Variants in KCNIP4 observed in about 807,000 individuals in gnomAD.
The protein encoded by KCNIP4 is potassium voltage-gated channel interacting protein 4, also known as Kv channel-interacting protein 4.
KCNIP4 carries 12 observed loss-of-function variants against 34.0 expected under a neutral mutation model. The observed-to-expected ratio is 0.35, with a 90% CI of 0.23 to 0.57. The LOEUF (loss-of-function observed/expected upper bound fraction) is 0.57, where lower values mean the gene tolerates loss of function less well. Among genes scored for constraint, KCNIP4 ranks in the 20% least tolerant of loss-of-function variants. The probability of loss-of-function intolerance (pLI) is 0.83; values close to 1 mark genes in which losing one functional copy is unlikely to be tolerated. For missense variants in KCNIP4, 238 were observed against 311.7 expected, an observed-to-expected ratio of 0.76 and a Z score of 1.78; for synonymous variants, 124 against 102.2, an observed-to-expected ratio of 1.21 and a Z score of -1.29.
intron 1 of KCNIP4, among the ~76,000 whole-genome samples, chr4:21,801,299 T>C (rs1720978566): frequency 6.6e-6 from 1 of 152,188 alleles, no homozygotes; most frequent in Non-Finnish European, 1.5e-5. Context: ...ATAAATGTGC[T>C]GCAGTAGACA....
chr4:21,089,672 C>G (rs981313490), intron 1 of KCNIP4, among the ~76,000 whole-genome samples: 1 of 151,996 alleles, frequency 6.6e-6, no homozygotes, highest in African/African-American at 2.4e-5. Flanking sequence ...ATCTTGTTTG[C>G]TCACTTCTCT....
intron 2 of KCNIP4, among the ~76,000 whole-genome samples, chr4:20,879,690 G>T (rs915538925): frequency 2.6e-5 from 4 of 151,978 alleles, no homozygotes; most frequent in Admixed American, 1.3e-4. Flanking sequence ...GACTATAAAA[G>T]GTATATAATT....
chr4:20,953,864 C>T (rs573097710), intron 1 of KCNIP4, among the ~76,000 whole-genome samples: 52 of 152,198 alleles, frequency 3.4e-4, no homozygotes, highest in Middle Eastern at 3.4e-3. Flanking sequence ...ATGGACCAGC[C>T]CTGATTCTTC....
At chr4:20,807,260 CTTTAT>C (rs1347974944) in intron 3 of KCNIP4, among the ~76,000 whole-genome samples, 1 of 152,100 alleles carries the variant, frequency 6.6e-6, no homozygotes, top group Non-Finnish European at 1.5e-5. Context: ...TGTTAGTCTT[CTTTAT>C]TTTCTCATTA....
chr4:21,362,736 C>T (rs1335939746), intron 1 of KCNIP4, among the ~76,000 whole-genome samples: 1 of 152,068 alleles, frequency 6.6e-6, no homozygotes, highest in Non-Finnish European at 1.5e-5. Context: ...TACAGACATC[C>T]TCACTGCATG....
chr4:20,932,306 TAGTCTATAAC>T (rs1730563902), intron 1 of KCNIP4, among the ~76,000 whole-genome samples: 1 of 49,276 alleles, frequency 2.0e-5, no homozygotes, highest in East Asian at 8.3e-4. Context: ...TAGACTATAA[TAGTCTATAAC>T]AGTCTAATAT....
At chr4:21,661,572 T>C (rs1193373503) in intron 1 of KCNIP4, among the ~76,000 whole-genome samples, 1 of 152,164 alleles carries the variant, frequency 6.6e-6, no homozygotes, top group African/African-American at 2.4e-5. Context: ...TCAATTTGAA[T>C]AGCAATCCAG....
chr4:21,385,616 T>C (rs1425243388), intron 1 of KCNIP4, among the ~76,000 whole-genome samples: 4 of 152,180 alleles, frequency 2.6e-5, no homozygotes, highest in Admixed American at 2.0e-4. Flanking sequence ...AGGATTCACA[T>C]ATTTAAAACA....
At position 21,414,153 on chromosome 4, in the gene KCNIP4, C is replaced by T. The variant is rs539344185; in HGVS notation, c.62-531444G>A. On this transcript the variant is annotated intron_variant, in intron 1 of 8. Transcript: ENST00000382152. ...ATATGTTCTATGAAAAAAAAAGCAG[C>T]GAAGTGAAACAGAAAGTACTAGAGG... 4.0e-5 allele frequency among the ~76,000 whole-genome samples: 6 copies of T among 151,734 alleles called. No individual in the cohort carries two copies. In the East Asian group the frequency reaches 5.8e-4, roughly 15 times the overall value.
intron 1 of KCNIP4, among the ~76,000 whole-genome samples, chr4:21,737,515 A>T (rs567990681): frequency 3.9e-5 from 6 of 152,154 alleles, no homozygotes; most frequent in Non-Finnish European, 5.9e-5. Context: ...AAAATGAGAT[A>T]CTAAAATATA....
intron 1 of KCNIP4, among the ~76,000 whole-genome samples, chr4:21,312,990 T>C (rs569260131): frequency 6.6e-6 from 1 of 152,316 alleles, no homozygotes; most frequent in Admixed American, 6.5e-5. Flanking sequence ...TTAGATAAAG[T>C]AGATATTTCA....
rs534202081 is a variant in KCNIP4, at chr4:20,844,260, C to T, written c.288+6283G>A. ...CTGCATAGGCTTATAGGCAATCTTC[C>T]CTTCAGAAAGCCCTTCTGGTTGGAA... On this transcript the variant is annotated intron_variant, in intron 3 of 8. Transcript: ENST00000382152. 3.9e-5 allele frequency among the ~76,000 whole-genome samples: 6 copies of T among 152,270 alleles called. No homozygotes were observed. The South Asian group carries it at 1.2e-3, about 32-fold the overall frequency.
At chr4:21,365,224 C>T (rs1458511753) in intron 1 of KCNIP4, among the ~76,000 whole-genome samples, 1 of 152,080 alleles carries the variant, frequency 6.6e-6, no homozygotes, top group Non-Finnish European at 1.5e-5. Flanking sequence ...GTGGTTCATG[C>T]CTGTAATCCC....
At chr4:21,519,847 A>G (rs1735367751) in intron 1 of KCNIP4, among the ~76,000 whole-genome samples, 1 of 141,300 alleles carries the variant, frequency 7.1e-6, no homozygotes, top group South Asian at 2.2e-4. Flanking sequence ...GTGTGTGTAT[A>G]TATTTATATA....
intron 3 of KCNIP4, among the ~76,000 whole-genome samples, chr4:20,820,299 G>A (rs577681260): frequency 1.3e-5 from 2 of 152,310 alleles, no homozygotes; most frequent in South Asian, 4.1e-4. Context: ...TGTTTATAAA[G>A]TGGCAAATAA....
intron 3 of KCNIP4, among the ~76,000 whole-genome samples, chr4:20,793,962 G>A (rs1172139959): frequency 6.6e-6 from 1 of 152,126 alleles, no homozygotes; most frequent in East Asian, 1.9e-4. Flanking sequence ...AGTCATGGGA[G>A]TGAATCTTTC....
chr4:21,399,104 T>G (rs145782746), intron 1 of KCNIP4, among the ~76,000 whole-genome samples: 1 of 152,246 alleles, frequency 6.6e-6, no homozygotes, highest in Admixed American at 6.5e-5. Context: ...CCTTCTCACG[T>G]TAGCACCTCA....
At chr4:21,930,420 G>T (rs564215832) in intron 1 of KCNIP4, among the ~76,000 whole-genome samples, 1 of 152,234 alleles carries the variant, frequency 6.6e-6, no homozygotes, top group African/African-American at 2.4e-5. Context: ...CTGCTAAACA[G>T]AAGCAATTGA....
intron 1 of KCNIP4, among the ~76,000 whole-genome samples, chr4:21,621,637 C>A (rs1745004423): frequency 6.6e-6 from 1 of 152,078 alleles, no homozygotes; most frequent in Non-Finnish European, 1.5e-5. Context: ...GAATTAGAGG[C>A]ACGAGCCACC....
Sources: gnomAD v4.1 joint callset for allele counts (sites outside exome capture counted in the v4.1 genomes callset) on GRCh38, gnomAD v4.1.1 for gene constraint, MANE v1.5 for transcripts, NCBI Gene and HGNC (gene_info 2026-07-23, HGNC 2026-07-21) for gene names.